ALK: variants seen among roughly 807,000 people sequenced by gnomAD.
The protein encoded by ALK is ALK tyrosine kinase receptor.
Under a neutral mutation model 163.1 loss-of-function variants are expected in ALK, and 74 were observed. That is an observed-to-expected ratio of 0.45 (90% CI 0.38 to 0.55). The LOEUF is 0.55. Ranked by LOEUF, ALK falls within the 20% of genes least tolerant of loss-of-function variation. The probability of loss-of-function intolerance (pLI) is 0.00; values close to 1 mark genes in which losing one functional copy is unlikely to be tolerated. For synonymous variants in ALK, 960 were observed against 843.2 expected, an observed-to-expected ratio of 1.14 and a Z score of -2.40; for missense variants, 2,063 against 2,105.3, an observed-to-expected ratio of 0.98 and a Z score of 0.39.
rs180899596 is a variant in ALK at position 29,877,915 on chromosome 2, A to T, written c.667+42078T>A. Among the ~76,000 whole-genome samples, 39 of 152,272 alleles carry T rather than the reference A, an allele frequency of 2.6e-4. No individual in the cohort carries two copies. The East Asian group carries it at 7.1e-3, about 28-fold the overall frequency. On this transcript the variant is annotated intron_variant, in intron 1 of 28. Coordinates refer to ENST00000389048, the MANE Select transcript of ALK (RefSeq NM_004304.5). ...GGAAACCTCCTATTCCCTCTGCCCA[A>T]CCCTAGGATTCTGGCTTCCTTCCCA...
intron 4 of ALK, among the ~76,000 whole-genome samples, chr2:29,519,604 G>C (rs1487491137): frequency 2.0e-4 from 31 of 152,214 alleles, no homozygotes; most frequent in Admixed American, 2.0e-3. Context: ...CCTGGAGACT[G>C]TCCGTAAGTT....
chr2:29,617,116 T>C (rs1466377569), intron 3 of ALK, among the ~76,000 whole-genome samples: 1 of 152,086 alleles, frequency 6.6e-6, no homozygotes. Context: ...CTGGAAACTG[T>C]CTCTTCTTGG....
chr2:29,335,832 G>A (rs1223522730), intron 5 of ALK, among the ~76,000 whole-genome samples: 1 of 152,100 alleles, frequency 6.6e-6, no homozygotes, highest in East Asian at 1.9e-4. Flanking sequence ...TTGTGGTCAG[G>A]AGTTCAAGAC....
In ALK at chr2:29,634,593, C is replaced by A. The variant is rs565277272; in HGVS notation, c.952+60257G>T. On this transcript the variant is annotated intron_variant, in intron 3 of 28. Transcript: ENST00000389048. ...TTCAACACTCATTCATGATTAAAAC[C>A]CAGAAAAGTAGATAGGGAGAGAGGA... Among the ~76,000 whole-genome samples, 15 of 151,946 alleles carry A rather than the reference C, an allele frequency of 9.9e-5. No individual in the cohort carries two copies. In the South Asian group the frequency reaches 2.9e-3, roughly 30 times the overall value.
chr2:29,676,059 A>T (rs1003329593), intron 3 of ALK, among the ~76,000 whole-genome samples: 1 of 151,890 alleles, frequency 6.6e-6, no homozygotes, highest in African/African-American at 2.4e-5. Flanking sequence ...TTTTAGTCTT[A>T]TTATTGATTT....
At chr2:29,203,357 G>A (rs1573093846) in intron 26 of ALK, among the ~76,000 whole-genome samples, 3 of 151,582 alleles carry the variant, frequency 2.0e-5, no homozygotes, top group Non-Finnish European at 2.9e-5. Context: ...GTTTCCTGTG[G>A]TGCTGTTAAG....
chr2:29,886,312 A>G (rs1430356908), intron 1 of ALK, among the ~76,000 whole-genome samples: 1 of 152,206 alleles, frequency 6.6e-6, no homozygotes, highest in Non-Finnish European at 1.5e-5. Flanking sequence ...TGGGAAGTCA[A>G]ATGTTCTACT....
intron 5 of ALK, among the ~76,000 whole-genome samples, chr2:29,346,372 C>T (rs773057220): frequency 6.6e-6 from 1 of 152,194 alleles, no homozygotes; most frequent in African/African-American, 2.4e-5. Context: ...CATTCACACC[C>T]CTGACCCACT....
chr2:29,238,286 T>A (rs562505506), intron 13 of ALK, among the ~76,000 whole-genome samples: 37 of 152,302 alleles, frequency 2.4e-4, no homozygotes, highest in Middle Eastern at 6.8e-3. Context: ...AACCTCTGCC[T>A]CCTGGGTTCA....
chr2:29,908,999 A>T (rs1667626374), intron 1 of ALK, among the ~76,000 whole-genome samples: 1 of 152,236 alleles, frequency 6.6e-6, no homozygotes, highest in African/African-American at 2.4e-5. Context: ...CAAAAATTCA[A>T]ACTTATAGAT....
chr2:29,805,132 A>G (rs973867522), intron 1 of ALK, among the ~76,000 whole-genome samples: 4 of 152,134 alleles, frequency 2.6e-5, no homozygotes, highest in African/African-American at 9.6e-5. Flanking sequence ...ACAACTCATC[A>G]CCTATTAAAT....
At chr2:29,701,982 T>C (rs1274514043) in intron 2 of ALK, among the ~76,000 whole-genome samples, 1 of 151,892 alleles carries the variant, frequency 6.6e-6, no homozygotes, top group South Asian at 2.1e-4. Flanking sequence ...GCTTCCCTCA[T>C]GTAGAGCCAC....
intron 1 of ALK, among the ~76,000 whole-genome samples, chr2:29,749,415 G>A (rs962494508): frequency 6.6e-6 from 1 of 152,180 alleles, no homozygotes; most frequent in African/African-American, 2.4e-5. Context: ...CACTTCAGTT[G>A]CTAAGCACCC....
At chr2:29,838,010 G>A (rs1406763519) in intron 1 of ALK, among the ~76,000 whole-genome samples, 1 of 152,012 alleles carries the variant, frequency 6.6e-6, no homozygotes, top group Non-Finnish European at 1.5e-5. Flanking sequence ...TGGAGAAATG[G>A]TAAGCAAAAA....
At chr2:29,414,539 T>C (rs1669819873) in intron 4 of ALK, among the ~76,000 whole-genome samples, 1 of 152,178 alleles carries the variant, frequency 6.6e-6, no homozygotes, top group South Asian at 2.1e-4. Flanking sequence ...GTTGTGTTAT[T>C]TGGAAATAAG....
At chr2:29,896,288 C>A (rs1667269378) in intron 1 of ALK, among the ~76,000 whole-genome samples, 1 of 152,118 alleles carries the variant, frequency 6.6e-6, no homozygotes, top group Admixed American at 6.5e-5. Flanking sequence ...CTCCGACCCC[C>A]AAGAGGGAAT....
chr2:29,200,869 A>G (rs796204807), intron 26 of ALK, among the ~76,000 whole-genome samples: 8 of 92,540 alleles, frequency 8.6e-5, no homozygotes, highest in African/African-American at 2.5e-4. Context: ...ATATATGTGT[A>G]TATATATATT....
intron 23 of ALK, among the ~76,000 whole-genome samples, chr2:29,215,300 G>T (rs1331551183): frequency 2.0e-5 from 3 of 152,168 alleles, no homozygotes; most frequent in Non-Finnish European, 4.4e-5. Context: ...CCTGCTGGAG[G>T]TTTTTCTCTG....
chr2:29,231,319 G>C (rs927675788), intron 15 of ALK, among the ~76,000 whole-genome samples: 2 of 152,240 alleles, frequency 1.3e-5, no homozygotes, highest in African/African-American at 4.8e-5. Flanking sequence ...CCTGGTGACA[G>C]AGCGAGACTC....
Sources: allele counts gnomAD v4.1 joint callset (sites outside exome capture counted in the v4.1 genomes callset), GRCh38; gene constraint gnomAD v4.1.1; transcripts MANE v1.5; gene names NCBI Gene and HGNC (gene_info 2026-07-23, HGNC 2026-07-21).